The following CDH23 variants were observed in gnomAD, a reference collection of about 807,000 sequenced individuals.
CDH23 encodes cadherin-23.
A neutral mutation model predicts 317.1 loss-of-function variants in CDH23; 189 were observed. That is an observed-to-expected ratio of 0.60 (90% CI 0.53 to 0.67). The LOEUF (loss-of-function observed/expected upper bound fraction) is 0.67. CDH23 is among the 30% of genes least tolerant of loss of function. CDH23 has a pLI of 0.00. For synonymous variants in CDH23, 1,839 were observed against 1,876.8 expected, an observed-to-expected ratio of 0.98 and a Z score of 0.52; for missense variants, 4,401 against 4,592.4, an observed-to-expected ratio of 0.96 and a Z score of 1.20.
chr10:71,711,537 C>G (rs960268419), intron 27 of CDH23, among the ~76,000 whole-genome samples: 1 of 152,064 alleles, frequency 6.6e-6, no homozygotes, highest in African/African-American at 2.4e-5. Flanking sequence ...GAGTCAGTGC[C>G]CCATCCTCAC....
chr10:71,747,330 T>G (rs1318116203), intron 38 of CDH23, among the ~76,000 whole-genome samples: 1 of 152,238 alleles, frequency 6.6e-6, no homozygotes. Context: ...AGCCTACCCA[T>G]CAGCAGCAGC....
rs567067610 is a variant in CDH23 at position 71,758,847 on chromosome 10, C to T, written c.4845+16926C>T. On this transcript the variant is annotated intron_variant, in intron 38 of 69. Transcript: ENST00000224721. ...TTCAAGACCAGCCTGGGCAACATAG[C>T]GAGAGTGCATCTCTACCAAAAGTGA... 1.8e-4 allele frequency among the ~76,000 whole-genome samples: 27 copies of T among 152,222 alleles called. No individual in the cohort carries two copies. In the South Asian group the frequency reaches 3.3e-3, roughly 19 times the overall value.
chr10:71,806,062 T>C, intron 56 of CDH23, 65 bp downstream of exon 56: 1 of 1,535,948 alleles, frequency 6.5e-7, no homozygotes, highest in South Asian at 1.2e-5. Flanking sequence ...GGGCGGGTCT[T>C]GCACCTCGCC....
chr10:71,457,833 G>A (rs1021447783), intron 3 of CDH23, among the ~76,000 whole-genome samples: 2 of 152,264 alleles, frequency 1.3e-5, no homozygotes, highest in Admixed American at 6.5e-5. Context: ...ATGAAAGTAT[G>A]AGATTAGTCA....
At position 71,510,097 on chromosome 10, in the gene CDH23, A is replaced by G. The variant is rs750575971; in HGVS notation, c.161A>G (p.Gln54Arg). Residue 54 changes from glutamine to arginine, a missense_variant, in exon 4 of 70, where the codon CAG becomes CGG. This residue lies in a region of CDH23 where 3,068 missense variants were observed against 3,203.3 expected (regional missense o/e 0.96). Transcript: ENST00000224721. ...EDTPVGSSVT[Q>R]LLAQDMDNDP... ...GCTACTCCAGGTTCTTCTGTGACCC[A>G]GTTGCTGGCCCAAGACATGGACAAT... 3.1e-6 allele frequency: 5 copies of G among 1,613,874 alleles called. No individual in the cohort carries two copies. The highest frequency in any genetic ancestry group is 4.2e-6 in the Non-Finnish European group (5 of 1,179,894).
chr10:71,663,249 G>A (rs761628106), intron 14 of CDH23, among the ~76,000 whole-genome samples: 2 of 152,306 alleles, frequency 1.3e-5, no homozygotes, highest in South Asian at 2.1e-4. Flanking sequence ...TGATAAGGAC[G>A]TGAAGGGCTA....
chr10:71,808,917 T>C (rs544607612), intron 60 of CDH23, among the ~76,000 whole-genome samples: 1 of 152,266 alleles, frequency 6.6e-6, no homozygotes, highest in South Asian at 2.1e-4. Flanking sequence ...CGGATATCCC[T>C]CCGCCACCCT....
chr10:71,601,992 C>T (rs934059079), intron 9 of CDH23, among the ~76,000 whole-genome samples: 1 of 151,126 alleles, frequency 6.6e-6, no homozygotes, highest in African/African-American at 2.4e-5. Flanking sequence ...CCCAGGGGAC[C>T]CCTCAAGGTC....
At chr10:71,409,812 G>T (rs1242608183) in intron 1 of CDH23, among the ~76,000 whole-genome samples, 1 of 152,164 alleles carries the variant, frequency 6.6e-6, no homozygotes, top group African/African-American at 2.4e-5. Context: ...CCTGCCTGCT[G>T]CCCTGAAGTC....
intron 7 of CDH23, 148 bp downstream of exon 7, chr10:71,567,084 G>T (rs1405883347): frequency 2.3e-6 from 2 of 856,846 alleles, no homozygotes; most frequent in Non-Finnish European, 3.6e-6. Flanking sequence ...TGATAGAAAT[G>T]AGGCTGGCAT....
At chr10:71,783,280 G>A (rs1188768484) in intron 41 of CDH23, among the ~76,000 whole-genome samples, 2 of 152,144 alleles carry the variant, frequency 1.3e-5, no homozygotes, top group South Asian at 2.1e-4. Flanking sequence ...CTGGGCTCAC[G>A]CTTGCTCACT....
chr10:71,811,635 CCCG>C (rs1452844600), intron 64 of CDH23, 45 bp downstream of exon 64: 1 of 1,613,858 alleles, frequency 6.2e-7, no homozygotes, highest in Non-Finnish European at 8.5e-7. Context: ...ACCACCTGCT[CCCG>C]GATGGCCACG....
At position 71,795,755 on chromosome 10, in the gene CDH23, C is replaced by T. The variant is rs941705785; in HGVS notation, c.6713-1349C>T. On this transcript the variant is annotated intron_variant, in intron 48 of 69. Transcript: ENST00000224721. ...CTCTGAGTCCCCACCATCCTCCCTG[C>T]CCTGCTCTGCTCCATCCCTGCTGCA... The T allele has an allele frequency of 5.1e-6, 5 of 982,818 alleles. No individual in the cohort carries two copies. The African/African-American group carries it at 7.0e-5, about 14-fold the overall frequency. 60.9% of individuals were successfully genotyped at this position (982,818 alleles called of 1,614,324 possible). A position where few individuals can be genotyped will look rare whatever the true frequency, so the allele number is the denominator to read the frequency against.
chr10:71,586,165 T>C (rs951124856), intron 9 of CDH23, among the ~76,000 whole-genome samples: 1 of 152,216 alleles, frequency 6.6e-6, no homozygotes, highest in Non-Finnish European at 1.5e-5. Context: ...GCCAGAGCCA[T>C]GGCTGAGGCA....
Position 71,811,504 on chromosome 10 carries a change from C to T in CDH23, c.9199-7C>T. On this transcript the variant is annotated splice_polypyrimidine_tract_variant and splice_region_variant and intron_variant, in intron 63 of 69. Transcript: ENST00000224721. ...TGCCCGGGCTTACCCTGGTCCTGCT[C>T]CCGCAGATGGCGATCATCGTCCTGG... is the stretch of plus-strand genomic sequence containing the variant. The T allele has an allele frequency of 6.2e-7, 1 of 1,613,992 alleles. No individual in the cohort carries two copies. The highest frequency in any genetic ancestry group is 8.5e-7 in the Non-Finnish European group (1 of 1,179,890).
intron 14 of CDH23, among the ~76,000 whole-genome samples, chr10:71,651,366 CAAAA>C (rs34501770): frequency 2.0e-5 from 2 of 100,420 alleles, no homozygotes; most frequent in East Asian, 2.6e-4. Flanking sequence ...CCTGTCTCTG[CAAAA>C]AAAAAAAAAA....
intron 1 of CDH23, among the ~76,000 whole-genome samples, chr10:71,436,958 T>G (rs1327294063): frequency 6.6e-6 from 1 of 152,238 alleles, no homozygotes; most frequent in African/African-American, 2.4e-5. Context: ...GGCTAGCTTC[T>G]TTGCAGGATA....
intron 6 of CDH23, among the ~76,000 whole-genome samples, chr10:71,545,137 T>C (rs1241862956): frequency 6.6e-6 from 1 of 152,204 alleles, no homozygotes; most frequent in Non-Finnish European, 1.5e-5. Flanking sequence ...GAGACAGCAG[T>C]GCTCACCCCA....
At chr10:71,738,793 C>T in intron 35 of CDH23, 146 bp downstream of exon 35, 2 of 1,111,870 alleles carry the variant, frequency 1.8e-6, no homozygotes, top group East Asian at 2.6e-5. Flanking sequence ...AGTCTGTGGT[C>T]AGGGAGAAGG....
Sources: gnomAD v4.1 joint callset for allele counts (sites outside exome capture counted in the v4.1 genomes callset) on GRCh38, gnomAD v4.1.1 for gene constraint, gnomAD v4.1.1 regional missense constraint, MANE v1.5 for transcripts, NCBI Gene and HGNC (gene_info 2026-07-23, HGNC 2026-07-21) for gene names.